The following MMD variants were observed in gnomAD, a reference collection of about 807,000 sequenced individuals.
MMD encodes the protein monocyte to macrophage differentiation factor.
In MMD, 22 loss-of-function variants were observed where a neutral mutation model predicts 33.6. That is an observed-to-expected ratio of 0.66 (90% CI 0.47 to 0.94). The LOEUF (loss-of-function observed/expected upper bound fraction) is 0.94. Ranked by LOEUF, MMD falls within the 40% of genes least tolerant of loss-of-function variation. MMD has a pLI of 0.00. For missense variants in MMD, 242 were observed against 309.8 expected (o/e 0.78, Z 1.64); for synonymous variants, 97 against 103.2 (o/e 0.94, Z 0.36).
In MMD at chr17:55,401,499, T is replaced by G; in HGVS notation, c.486A>C (p.Gly162=). ...ATGTCACCACCAAGGCTGGAGAGAA[T>G]CCCATTGTGAGATAGAAAAAGAGTT... ...VVELFFYLTM[G]FSPALVVTSM... is the part of the protein sequence containing the mutation. The change falls in exon 6 of 7, where the codon GGA becomes GGC. Residue 162 remains glycine, a synonymous_variant. Transcript: ENST00000262065. 1.2e-6 allele frequency: 2 copies of G among 1,612,242 alleles called. No individual in the cohort carries two copies. The highest frequency in any genetic ancestry group is 1.7e-6 in the Non-Finnish European group (2 of 1,179,446).
In MMD at chr17:55,394,287, G is replaced by T; in HGVS notation, c.*47C>A. 7.8e-7 allele frequency: 1 copy of T among 1,284,808 alleles called. No individual in the cohort carries two copies. The highest frequency in any genetic ancestry group is 1.0e-6 in the Non-Finnish European group (1 of 993,756). The allele number at this position is 1,284,808 out of a possible 1,614,324, so 79.6% of individuals were successfully genotyped here. A position where few individuals can be genotyped will look rare whatever the true frequency, so the allele number is the denominator to read the frequency against. Reference sequence around the variant, plus strand: ...TGTTTAGCTCTCACCCCACTCCCAAGTGCCATAATTGAAATAATACTGGTT... The same window carrying T: ...TGTTTAGCTCTCACCCCACTCCCAATTGCCATAATTGAAATAATACTGGTT... On this transcript the variant is annotated 3_prime_UTR_variant, in exon 7 of 7. Transcript: ENST00000262065.
chr17:55,421,553 G>A, intron 1 of MMD, 117 bp downstream of exon 1: 1 of 1,421,312 alleles, frequency 7.0e-7, no homozygotes, highest in Non-Finnish European at 9.6e-7. Flanking sequence ...CCTGGCCAAG[G>A]TGCGGGATCC....
chr17:55,395,659 T>G (rs1907071742), intron 6 of MMD, among the ~76,000 whole-genome samples: 1 of 152,224 alleles, frequency 6.6e-6, no homozygotes, highest in African/African-American at 2.4e-5. Flanking sequence ...CCATGTTTTG[T>G]GTGGGATCAA....
At chr17:55,420,061 G>C (rs1320826530) in intron 1 of MMD, 8 of 152,174 alleles carry the variant, frequency 5.3e-5, no homozygotes, top group Admixed American at 1.3e-4. Flanking sequence ...TTTAACGTTT[G>C]TGCAACAAAT....
intron 6 of MMD, among the ~76,000 whole-genome samples, chr17:55,399,935 A>C (rs1907261047): frequency 6.6e-6 from 1 of 152,148 alleles, no homozygotes; most frequent in South Asian, 2.1e-4. Context: ...TTTGCTTGAA[A>C]TTCTACTCTA....
intron 2 of MMD, 110 bp downstream of exon 2, chr17:55,414,041 C>A: frequency 9.7e-7 from 1 of 1,031,024 alleles, no homozygotes; most frequent in Non-Finnish European, 1.5e-6. Context: ...TAGATAAGGT[C>A]ACAGATGGGT....
intron 1 of MMD, among the ~76,000 whole-genome samples, chr17:55,415,271 G>C (rs532802450): frequency 2.0e-5 from 3 of 150,076 alleles, no homozygotes; most frequent in African/African-American, 7.4e-5. Flanking sequence ...AGAAACAGAC[G>C]GACGTAAAAA....
intron 1 of MMD, among the ~76,000 whole-genome samples, 187 bp from the exon 2 acceptor site, chr17:55,414,419 A>C (rs543614315): frequency 6.6e-6 from 1 of 152,230 alleles, no homozygotes; most frequent in Non-Finnish European, 1.5e-5. Context: ...TCCTTAAGCA[A>C]ATACCCTAGT....
intron 1 of MMD, among the ~76,000 whole-genome samples, chr17:55,420,787 C>G (rs904880647): frequency 6.6e-6 from 1 of 152,178 alleles, no homozygotes; most frequent in African/African-American, 2.4e-5. Context: ...CTTTCACCCA[C>G]TTAAACAGAA....
At chr17:55,414,329 G>A (rs1907879630) in intron 1 of MMD, 97 bp from the exon 2 acceptor site, 1 of 1,130,044 alleles carries the variant, frequency 8.8e-7, no homozygotes, top group Non-Finnish European at 1.3e-6. Context: ...TCTACGCAAA[G>A]AAGTGACTGG....
intron 5 of MMD, among the ~76,000 whole-genome samples, chr17:55,401,943 C>T (rs1480858023): frequency 6.6e-6 from 1 of 151,888 alleles, no homozygotes; most frequent in Non-Finnish European, 1.5e-5. Context: ...GTGGCGAGCG[C>T]CTGTAGTCCC....
At position 55,394,239 on chromosome 17, in the gene MMD, A is replaced by AT. The variant is rs1907017952; in HGVS notation, c.*94dup. On this transcript the variant is annotated 3_prime_UTR_variant, in exon 7 of 7. Coordinates refer to ENST00000262065, the MANE Select transcript of MMD (RefSeq NM_012329.3). Reference sequence around the variant, plus strand: ...CAAAAGATATAAAGTCAGTGCAGTTATTTTTTTTCTTTCCCTGTGCAATGT... The same window carrying AT: ...CAAAAGATATAAAGTCAGTGCAGTTATTTTTTTTTCTTTCCCTGTGCAATGT... 4.3e-5 allele frequency: 39 copies of AT among 899,064 alleles called. No individual in the cohort carries two copies. Among genetic ancestry groups the AT allele is most frequent in the South Asian group, 8.6e-5 (2 of 23,210 alleles). The allele number at this position is 899,064 out of a possible 1,614,324, so 55.7% of individuals were successfully genotyped here. A position where few individuals can be genotyped will look rare whatever the true frequency, so the allele number is the denominator to read the frequency against.
At chr17:55,408,516 G>T (rs987910965) in intron 3 of MMD, among the ~76,000 whole-genome samples, 1 of 152,174 alleles carries the variant, frequency 6.6e-6, no homozygotes, top group Admixed American at 6.5e-5. Flanking sequence ...TCATAAAATG[G>T]ATTAGATGGA....
intron 3 of MMD, among the ~76,000 whole-genome samples, chr17:55,409,956 A>C (rs1907701096): frequency 6.6e-6 from 1 of 152,302 alleles, no homozygotes; most frequent in Admixed American, 6.5e-5. Context: ...AGTGTGTCCC[A>C]AAGTGCCCTT....
Position 55,421,765 on chromosome 17 carries a change from T to C in MMD, c.-70A>G. On this transcript the variant is annotated 5_prime_UTR_variant, in exon 1 of 7. Coordinates refer to ENST00000262065, the MANE Select transcript of MMD (RefSeq NM_012329.3). ...GCACCGGCGGCCGGGCGCGCGGCCCTCATGGGCTTGGGCTGCTCCGGAGGC... is the reference window on the plus strand; with the variant it reads ...GCACCGGCGGCCGGGCGCGCGGCCCCCATGGGCTTGGGCTGCTCCGGAGGC... 6.5e-7 allele frequency: 1 copy of C among 1,541,320 alleles called. No individual in the cohort carries two copies.
At chr17:55,406,564 T>C (rs2143138124) in intron 4 of MMD, among the ~76,000 whole-genome samples, 1 of 151,154 alleles carries the variant, frequency 6.6e-6, no homozygotes, top group South Asian at 2.1e-4. Context: ...TGAGACTCTG[T>C]CTCAAAACAA....
At chr17:55,403,421 T>C (rs1046479084) in intron 5 of MMD, among the ~76,000 whole-genome samples, 35 of 152,174 alleles carry the variant, frequency 2.3e-4, no homozygotes, top group African/African-American at 1.9e-4. Context: ...CCAATCTTCA[T>C]AGACACCTTG....
intron 4 of MMD, 75 bp from the exon 5 acceptor site, chr17:55,403,943 AC>A: frequency 8.5e-7 from 1 of 1,170,514 alleles, no homozygotes; most frequent in Non-Finnish European, 1.3e-6. Context: ...GTCATTGAAA[AC>A]TGAGAAAGTC....
At position 55,407,384 on chromosome 17, in the gene MMD, A is replaced by C. The variant is rs546778594; in HGVS notation, c.344+362T>G. The stretch of plus-strand genomic sequence containing the variant: ...CCTCATACATATTTACAGCATTTCC[A>C]CTTGAATAATTCAATTTTCTAGTGT... On this transcript the variant is annotated intron_variant, in intron 4 of 6. Coordinates refer to ENST00000262065, the MANE Select transcript of MMD (RefSeq NM_012329.3). Among the ~76,000 whole-genome samples, 343 of 152,246 alleles carry C rather than the reference A, an allele frequency of 2.3e-3. 1 individual carries two copies. Among genetic ancestry groups the C allele is most frequent in the Non-Finnish European group, 3.3e-3 (224 of 68,018 alleles).
Sources: gnomAD v4.1 joint callset for allele counts (sites outside exome capture counted in the v4.1 genomes callset) on GRCh38, gnomAD v4.1.1 for gene constraint, MANE v1.5 for transcripts, NCBI Gene and HGNC (gene_info 2026-07-23, HGNC 2026-07-21) for gene names.